Variants in MTERF4 observed in about 807,000 individuals in gnomAD.
The protein encoded by MTERF4 is transcription termination factor 4, mitochondrial.
MTERF4 carries 17 observed loss-of-function variants against 22.5 expected under a neutral mutation model. That is an observed-to-expected ratio of 0.75 (90% CI 0.52 to 1.13). The LOEUF (loss-of-function observed/expected upper bound fraction) is 1.13. MTERF4 is among the 50% of genes most tolerant of loss of function. The pLI, the probability that MTERF4 is intolerant of heterozygous loss-of-function variation, is 0.00. For missense variants in MTERF4, 420 were observed against 466.8 expected (o/e 0.90, Z 0.92); for synonymous variants, 165 against 175.3 (o/e 0.94, Z 0.47).
At chr2:241,048,251 G>A in the MTERF4 span, 1 of 1,500,632 alleles carries the variant, frequency 6.7e-7, no homozygotes, top group Admixed American at 2.3e-5. Flanking sequence ...ATTGGAGCTG[G>A]GCGGGGAGAC....
the MTERF4 span, among the ~76,000 whole-genome samples, chr2:241,061,785 G>A: frequency 1.1e-4 from 16 of 151,542 alleles, no homozygotes; most frequent in African/African-American, 2.4e-4. Context: ...CTCGGGAGGC[G>A]GAGGTTGTGG....
chr2:241,098,830 G>A (rs1045145836), intron 2 of MTERF4, among the ~76,000 whole-genome samples: 8 of 152,142 alleles, frequency 5.3e-5, no homozygotes, highest in Non-Finnish European at 1.0e-4. Flanking sequence ...TGCACTAGGT[G>A]CTGAAGATCC....
At chr2:241,099,966 A>G in intron 1 of MTERF4, 72 bp from the exon 2 acceptor site, 1 of 1,524,496 alleles carries the variant, frequency 6.6e-7, no homozygotes, top group Non-Finnish European at 8.8e-7. Flanking sequence ...AAGACTTCTG[A>G]GCCAGAGTAC....
At chr2:241,089,431 T>C (rs1320712854), downstream of MTERF4, 5 of 1,549,222 alleles carry the variant, frequency 3.2e-6, no homozygotes, top group Non-Finnish European at 4.4e-6. Context: ...AAACAGCTTT[T>C]CAGATATAGG....
At chr2:241,088,774 G>C (rs1053248200), downstream of MTERF4, 1 of 274,020 alleles carries the variant, frequency 3.6e-6, no homozygotes, top group African/African-American at 2.2e-5. Context: ...GCACCTGGGA[G>C]GAGGGGCCAC....
chr2:241,051,436 C>T, the MTERF4 span: 3 of 302,800 alleles, frequency 9.9e-6, no homozygotes, highest in East Asian at 5.3e-5. This position sits in a 1 kb window ranked among gnomAD's most constrained non-coding sequence, Gnocchi z 4.7. Context: ...GGGAGTGCTG[C>T]GCCCGCTGCA....
the MTERF4 span, chr2:241,049,149 G>C: frequency 1.3e-6 from 2 of 1,598,930 alleles, no homozygotes; most frequent in Non-Finnish European, 1.7e-6. Flanking sequence ...AGTAGCTCGG[G>C]GACGAGCCTG....
downstream of MTERF4, among the ~76,000 whole-genome samples, chr2:241,083,929 G>T (rs1034314158): frequency 1.5e-5 from 2 of 132,018 alleles, no homozygotes; most frequent in African/African-American, 2.9e-5. Flanking sequence ...TTTCCCACCT[G>T]CTTTTTGTTC....
Position 241,095,851 on chromosome 2 carries a change from G to A in MTERF4, c.*147C>T. ...TTTGGTTTGATCTGTCTGCCTCTCA[G>A]GTGACTTATAATTTTTTTCATCAAG... is the stretch of plus-strand genomic sequence containing the variant. On this transcript the variant is annotated 3_prime_UTR_variant, in exon 4 of 4. Coordinates refer to ENST00000391980, the MANE Select transcript of MTERF4 (RefSeq NM_182501.4). 1.4e-6 allele frequency: 2 copies of A among 1,428,976 alleles called. No homozygotes were observed. The highest frequency in any genetic ancestry group is 1.9e-6 in the Non-Finnish European group (2 of 1,066,220). The allele number at this position is 1,428,976 out of a possible 1,614,324, so 88.5% of individuals were successfully genotyped here. A position where few individuals can be genotyped will look rare whatever the true frequency, so the allele number is the denominator to read the frequency against.
At chr2:241,080,956 A>G (rs1249556100) in intron 4 of MTERF4, among the ~76,000 whole-genome samples, 1 of 152,226 alleles carries the variant, frequency 6.6e-6, no homozygotes, top group Non-Finnish European at 1.5e-5. Context: ...GGTCTGTGAG[A>G]GGACAGCCCT....
chr2:241,044,289 C>T, the MTERF4 span, among the ~76,000 whole-genome samples: 66 of 152,276 alleles, frequency 4.3e-4, no homozygotes, highest in African/African-American at 1.5e-3. Flanking sequence ...CAATACCCAA[C>T]TATATGCTGT....
At chr2:241,082,329 C>G, downstream of MTERF4, 1 of 1,613,672 alleles carries the variant, frequency 6.2e-7, no homozygotes, top group Non-Finnish European at 8.5e-7. Context: ...AGACAAAGGC[C>G]TTTCCAGTCT....
At chr2:241,094,229 C>T (rs1018424817), downstream of MTERF4, 18 of 458,082 alleles carry the variant, frequency 3.9e-5, no homozygotes, top group Admixed American at 9.8e-5. This position sits in a 1 kb window ranked among gnomAD's most constrained non-coding sequence, Gnocchi z 4.3. Context: ...CCACTGTCCT[C>T]CAGTAGAGAA....
At chr2:241,050,499 C>T in the MTERF4 span, among the ~76,000 whole-genome samples, 5 of 152,160 alleles carry the variant, frequency 3.3e-5, no homozygotes, top group Non-Finnish European at 5.9e-5. Context: ...CTGGCACCCT[C>T]TCCAGGGGCT....
downstream of MTERF4, chr2:241,072,147 T>C (rs768648489): frequency 5.9e-6 from 4 of 682,510 alleles, no homozygotes; most frequent in Admixed American, 2.0e-5. Context: ...CAAGAGAAGA[T>C]AAACATTTTA....
In MTERF4 at chr2:241,099,670, C is replaced by T. The variant is rs755830044; in HGVS notation, c.246G>A (p.Gly82=). The T allele has an allele frequency of 8.1e-6, 13 of 1,614,202 alleles. No individual in the cohort carries two copies. The highest frequency in any genetic ancestry group is 1.0e-5 in the Non-Finnish European group (12 of 1,180,030). The change falls in exon 2 of 4, where the codon GGG becomes GGA. Residue 82 remains glycine, a synonymous_variant. Coordinates refer to ENST00000391980, the MANE Select transcript of MTERF4 (RefSeq NM_182501.4). ...NLVQCLLEKQ[G]TPVVQGSLEL... ...CCAAGGACCCTTGTACCACAGGAGTCCCCTGCTTCTCAAGGAGGCACTGAA... is the reference window on the plus strand; with the variant it reads ...CCAAGGACCCTTGTACCACAGGAGTTCCCTGCTTCTCAAGGAGGCACTGAA...
chr2:241,094,154 C>T, downstream of MTERF4: 1 of 368,456 alleles, frequency 2.7e-6, no homozygotes, highest in Non-Finnish European at 5.6e-6. The surrounding 1 kb of genome is among the most constrained non-coding windows in gnomAD (Gnocchi z 4.3). Context: ...GCAATAAAGA[C>T]AAACTCTCCC....
downstream of MTERF4, among the ~76,000 whole-genome samples, chr2:241,084,662 G>A (rs1409366961): frequency 1.3e-5 from 2 of 152,084 alleles, no homozygotes; most frequent in African/African-American, 2.4e-5. Flanking sequence ...TCTTGTTTTA[G>A]ATATTGAAAG....
chr2:241,078,239 TG>T (rs1021957436), intron 4 of MTERF4, among the ~76,000 whole-genome samples: 1 of 151,366 alleles, frequency 6.6e-6, no homozygotes, highest in Non-Finnish European at 1.5e-5. Context: ...AAAAATTAGC[TG>T]GGCGTGGTGG....
Sources: allele counts gnomAD v4.1 joint callset (sites outside exome capture counted in the v4.1 genomes callset), GRCh38; gene constraint gnomAD v4.1.1; non-coding constraint Gnocchi (gnomAD v3.1); transcripts MANE v1.5; gene names NCBI Gene and HGNC (gene_info 2026-07-23, HGNC 2026-07-21).